The following FAM136A variants were observed in gnomAD, a reference collection of about 807,000 sequenced individuals.
FAM136A encodes TIM double twin CX3C motif protein.
A neutral mutation model predicts 21.6 loss-of-function variants in FAM136A; 25 were observed. The ratio of observed to expected loss-of-function variants is 1.16; its 90% CI spans 0.84 to 1.62. The LOEUF (loss-of-function observed/expected upper bound fraction) is 1.62, where lower values mean the gene tolerates loss of function less well. Among genes scored for constraint, FAM136A ranks in the 40% most tolerant of loss-of-function variants. FAM136A has a pLI of 0.00. For synonymous variants in FAM136A, 119 were observed against 129.4 expected (o/e 0.92, Z 0.55); for missense variants, 338 against 332.0 (o/e 1.02, Z -0.14).
intron 2 of FAM136A, among the ~76,000 whole-genome samples, chr2:70,298,175 C>A (rs995115745): frequency 3.3e-5 from 5 of 152,080 alleles, no homozygotes; most frequent in African/African-American, 1.2e-4. Flanking sequence ...TCACCACAAC[C>A]TCCACCTCCC....
In FAM136A at chr2:70,301,843, A is replaced by G. The variant is rs1292080335; in HGVS notation, c.169T>C (p.Cys57Arg). 1.3e-6 allele frequency: 2 copies of G among 1,551,340 alleles called. No individual in the cohort carries two copies. Among genetic ancestry groups the G allele is most frequent in the Non-Finnish European group, 1.7e-6 (2 of 1,147,166 alleles). Residue 57 changes from cysteine (C) to arginine (R), a missense_variant, in exon 1 of 3, where the codon TGC becomes CGC. Transcript: ENST00000430566. ...GTCTGCGGGGACGCGGCTGCAGTGC[A>G]AGGCGTCGCGTGGTGGCTGAGGGAA... ...GPSLSHHATP[C>R]TAAASPQTGC...
intron 2 of FAM136A, chr2:70,300,590 G>A: frequency 3.3e-6 from 1 of 307,228 alleles, no homozygotes. Flanking sequence ...CTCCTAAAGT[G>A]CTGGGATTAC....
chr2:70,301,951 C>A lies in FAM136A; in HGVS notation c.61G>T (p.Glu21Ter). The A allele has an allele frequency of 6.2e-7, 1 of 1,609,256 alleles. No individual in the cohort carries two copies. Among genetic ancestry groups the A allele is most frequent in the Non-Finnish European group, 8.5e-7 (1 of 1,178,874 alleles). The change falls in exon 1 of 3, where the codon GAA (glutamate) becomes TAA (stop). Residue 21 changes from glutamate (E) to a stop codon, truncating the protein, a stop_gained. Coordinates refer to ENST00000430566, the MANE Select transcript of FAM136A (RefSeq NM_001329752.2). LOFTEE classifies it high-confidence loss of function. ...TGCATCTTCCGGATGTTCTCTCTTTCCAGACTCTTCACCATGGACTCCACC... is the reference window on the plus strand; with the variant it reads ...TGCATCTTCCGGATGTTCTCTCTTTACAGACTCTTCACCATGGACTCCACC... ...EAVESMVKSL[E>*]RENIRKMQVA... is the part of the protein sequence containing the mutation.
chr2:70,299,729 T>C (rs1229385246), intron 2 of FAM136A, among the ~76,000 whole-genome samples: 1 of 151,690 alleles, frequency 6.6e-6, no homozygotes, highest in Admixed American at 6.6e-5. Flanking sequence ...GCTTCCCGAG[T>C]AGCTGGGACT....
At chr2:70,301,065 C>T (rs1044784015) in intron 1 of FAM136A, 85 bp from the exon 2 acceptor site, 2 of 1,459,898 alleles carry the variant, frequency 1.4e-6, no homozygotes, top group Non-Finnish European at 1.9e-6. Flanking sequence ...TAGAAGGCCA[C>T]GTGGATATTT....
Position 70,297,390 on chromosome 2 carries a change from G to C in FAM136A, c.637C>G (p.Gln213Glu). 1 of 1,614,042 alleles carries C rather than the reference G, an allele frequency of 6.2e-7. No individual in the cohort carries two copies. Among genetic ancestry groups the C allele is most frequent in the Non-Finnish European group, 8.5e-7 (1 of 1,179,914 alleles). The part of the protein sequence containing the change: ...AGSKELQVKQ[Q>E]LDSCVTKCVD... ...CACTTGGTCACACAACTGTCCAGCTGCTGCTTCACCTGAAGCTCCTTACTC... is the reference window on the plus strand; with the variant it reads ...CACTTGGTCACACAACTGTCCAGCTCCTGCTTCACCTGAAGCTCCTTACTC... Residue 213 changes from glutamine to glutamate, a missense_variant, in exon 3 of 3, where the codon CAG becomes GAG. Transcript: ENST00000430566.
chr2:70,300,698 C>T, intron 2 of FAM136A, 142 bp downstream of exon 2: 3 of 997,800 alleles, frequency 3.0e-6, no homozygotes, highest in Non-Finnish European at 4.3e-6. Context: ...AATTTCAAAC[C>T]CTGTGAAAAC....
intron 1 of FAM136A, 129 bp from the exon 2 acceptor site, chr2:70,301,109 C>A: frequency 8.8e-7 from 1 of 1,140,528 alleles, no homozygotes. Flanking sequence ...TTTCACCTTC[C>A]CTGAGAATAG....
In FAM136A at chr2:70,300,154, C is replaced by T. The variant is rs1325181328; in HGVS notation, c.549+686G>A. Among the ~76,000 whole-genome samples the T allele has an allele frequency of 5.9e-5, 9 of 152,278 alleles. No individual in the cohort carries two copies. In the East Asian group the frequency reaches 1.2e-3, roughly 20 times the overall value. On this transcript the variant is annotated intron_variant, in intron 2 of 2. Transcript: ENST00000430566. ...TGACCTCGTGATCCACCCGCCTCGG[C>T]CTCCCAAAATGTTGGGATTACAGGC...
rs1226664692 is a variant in FAM136A at position 70,297,406 on chromosome 2, C to A, written c.621G>T (p.Glu207Asp). 1.2e-6 allele frequency: 2 copies of A among 1,613,912 alleles called. No homozygotes were observed. The highest frequency in any genetic ancestry group is 1.7e-5 in the Admixed American group (1 of 60,002). ...TGTCCAGCTGCTGCTTCACCTGAAGCTCCTTACTCCCAGCATCTATTGAAT... is the reference window on the plus strand; with the variant it reads ...TGTCCAGCTGCTGCTTCACCTGAAGATCCTTACTCCCAGCATCTATTGAAT... ...AKDSIDAGSKELQVKQQLDSC... is the reference protein window; with the variant it reads ...AKDSIDAGSKDLQVKQQLDSC... Residue 207 changes from glutamate (E) to aspartate (D), a missense_variant, in exon 3 of 3, where the codon GAG becomes GAT. Glu to Asp is a conservative substitution (Grantham distance 45, BLOSUM62 2). Transcript: ENST00000430566.
chr2:70,297,548 T>A (rs1697287295), intron 2 of FAM136A, 71 bp from the exon 3 acceptor site: 1 of 1,428,296 alleles, frequency 7.0e-7, no homozygotes, highest in Non-Finnish European at 9.6e-7. Flanking sequence ...TCATTATGTG[T>A]TAGGCCCTGT....
intron 2 of FAM136A, chr2:70,300,568 A>G (rs1289617345): frequency 1.2e-5 from 3 of 249,892 alleles, no homozygotes; most frequent in Admixed American, 5.0e-5. Flanking sequence ...CTCATGATCC[A>G]CCTGCCTCAG....
Position 70,297,497 on chromosome 2 carries a change from C to T in FAM136A, c.550-20G>A, listed in dbSNP as rs111890827. 4.7e-5 allele frequency: 59 copies of T among 1,255,848 alleles called. No individual in the cohort carries two copies. Among genetic ancestry groups the T allele is most frequent in the African/African-American group, 4.4e-4 (28 of 63,930 alleles). 77.8% of individuals were successfully genotyped at this position (1,255,848 alleles called of 1,614,324 possible). ...GCGGTCCTGTGGCAAGAAGGAAGAA[C>T]GTAGAAAAAGCTGAGAGTAAGGCCT... On this transcript the variant is annotated intron_variant, in intron 2 of 2. Coordinates refer to ENST00000430566, the MANE Select transcript of FAM136A (RefSeq NM_001329752.2).
chr2:70,301,266 T>C (rs1254858503), intron 1 of FAM136A: 13 of 1,073,994 alleles, frequency 1.2e-5, no homozygotes, highest in Non-Finnish European at 1.7e-5. Context: ...GAGGGTAGGG[T>C]GGTCTGACGA....
In FAM136A at chr2:70,297,097, C is replaced by T. The variant is rs1457954060; in HGVS notation, c.*192G>A. 5.0e-6 allele frequency: 3 copies of T among 597,016 alleles called. No individual in the cohort carries two copies. Among genetic ancestry groups the T allele is most frequent in the Non-Finnish European group, 8.6e-6 (3 of 347,168 alleles). 37.0% of individuals were successfully genotyped at this position (597,016 alleles called of 1,614,324 possible). Reference sequence around the variant, plus strand: ...ATATCTCTGACTCGATTTAGCACCACTTTTTTCCATTTCATTTTTTAGGGA... The same window carrying T: ...ATATCTCTGACTCGATTTAGCACCATTTTTTTCCATTTCATTTTTTAGGGA... On this transcript the variant is annotated 3_prime_UTR_variant, in exon 3 of 3. Transcript: ENST00000430566.
Position 70,300,818 on chromosome 2 carries a change from C to T in FAM136A, c.549+22G>A, listed in dbSNP as rs763668701. 42 of 1,587,588 alleles carry T rather than the reference C, an allele frequency of 2.6e-5. No individual in the cohort carries two copies. The East Asian group carries it at 9.1e-4, about 34-fold the overall frequency. On this transcript the variant is annotated intron_variant, in intron 2 of 2. Coordinates refer to ENST00000430566, the MANE Select transcript of FAM136A (RefSeq NM_001329752.2). ...AAAGTCTGTATCAAGGACTACAGTG[C>T]TCTGTCTAGGATATTTCTCACCTGG...
intron 2 of FAM136A, among the ~76,000 whole-genome samples, chr2:70,298,984 G>A (rs1260490684): frequency 1.3e-5 from 2 of 152,220 alleles, no homozygotes; most frequent in African/African-American, 4.8e-5. Context: ...TCCACTTGGA[G>A]AGGACTAAAA....
Position 70,300,830 on chromosome 2 carries a change from T to C in FAM136A, c.549+10A>G. 1.2e-6 allele frequency: 2 copies of C among 1,606,258 alleles called. No homozygotes were observed. The highest frequency in any genetic ancestry group is 1.7e-6 in the Non-Finnish European group (2 of 1,173,754). ...AAGGACTACAGTGCTCTGTCTAGGATATTTCTCACCTGGAACTTCTCCAGC... is the reference window on the plus strand; with the variant it reads ...AAGGACTACAGTGCTCTGTCTAGGACATTTCTCACCTGGAACTTCTCCAGC... On this transcript the variant is annotated intron_variant, in intron 2 of 2. Coordinates refer to ENST00000430566, the MANE Select transcript of FAM136A (RefSeq NM_001329752.2).
intron 2 of FAM136A, 196 bp downstream of exon 2, chr2:70,300,644 A>G: frequency 3.6e-6 from 2 of 560,662 alleles, no homozygotes; most frequent in Non-Finnish European, 6.3e-6. Flanking sequence ...TCTATAGGAA[A>G]TGATGTTCAA....
Sources: gnomAD v4.1 joint callset for allele counts (sites outside exome capture counted in the v4.1 genomes callset) on GRCh38, gnomAD v4.1.1 for gene constraint, MANE v1.5 for transcripts, NCBI Gene and HGNC (gene_info 2026-07-23, HGNC 2026-07-21) for gene names.